The following CAMTA1 variants were observed in gnomAD, a reference collection of about 807,000 sequenced individuals.
CAMTA1 encodes calmodulin-binding transcription activator 1.
CAMTA1 carries 27 observed loss-of-function variants against 170.9 expected under a neutral mutation model. The ratio of observed to expected loss-of-function variants is 0.16; its 90% CI spans 0.12 to 0.22. CAMTA1 has a LOEUF of 0.22. CAMTA1 is among the 10% of genes least tolerant of loss of function. The pLI is 1.00. For missense variants in CAMTA1, 1,619 were observed against 2,217.2 expected, an observed-to-expected ratio of 0.73 and a Z score of 5.42; for synonymous variants, 833 against 891.5, an observed-to-expected ratio of 0.93 and a Z score of 1.17.
chr1:6,867,675 C>T (rs1331377103), intron 3 of CAMTA1, among the ~76,000 whole-genome samples: 1 of 152,212 alleles, frequency 6.6e-6, no homozygotes, highest in African/African-American at 2.4e-5. Context: ...GTAATCCCCA[C>T]TAACTGTAGT....
At chr1:6,859,624 CA>C (rs1663872338) in intron 3 of CAMTA1, among the ~76,000 whole-genome samples, 1 of 151,974 alleles carries the variant, frequency 6.6e-6, no homozygotes, top group Non-Finnish European at 1.5e-5. Context: ...CCTGGCTTTA[CA>C]CAAAATAAAC....
At chr1:6,981,414 G>A (rs959723400) in intron 3 of CAMTA1, among the ~76,000 whole-genome samples, 2 of 151,942 alleles carry the variant, frequency 1.3e-5, no homozygotes, top group African/African-American at 4.8e-5. Context: ...GTACAATTTT[G>A]CACTCTAATT....
intron 3 of CAMTA1, among the ~76,000 whole-genome samples, chr1:6,939,828 C>T (rs1686121331): frequency 6.6e-6 from 1 of 152,268 alleles, no homozygotes; most frequent in Non-Finnish European, 1.5e-5. Context: ...CATCTGTCTC[C>T]CTGCTTCAAT....
chr1:7,083,921 C>T (rs1640367554), intron 3 of CAMTA1, among the ~76,000 whole-genome samples: 1 of 150,964 alleles, frequency 6.6e-6, no homozygotes. Flanking sequence ...CATTTTGTGG[C>T]TCTAGCAGAT....
At chr1:7,546,474 G>A (rs928795424) in intron 6 of CAMTA1, among the ~76,000 whole-genome samples, 2 of 152,196 alleles carry the variant, frequency 1.3e-5, no homozygotes, top group South Asian at 4.1e-4. Context: ...ACACATGCAT[G>A]TATCTTTATA....
chr1:7,506,884 CA>C (rs2094123197), intron 6 of CAMTA1, among the ~76,000 whole-genome samples: 1 of 151,998 alleles, frequency 6.6e-6, no homozygotes, highest in African/African-American at 2.4e-5. Flanking sequence ...TACTAACACT[CA>C]AAATTCACAC....
At chr1:7,175,233 C>T (rs376483250) in intron 4 of CAMTA1, among the ~76,000 whole-genome samples, 2 of 150,622 alleles carry the variant, frequency 1.3e-5, no homozygotes, top group East Asian at 2.0e-4. Context: ...TAGACAGGGT[C>T]GTTGACATCT....
intron 22 of CAMTA1, among the ~76,000 whole-genome samples, chr1:7,758,627 T>A (rs1269903674): frequency 6.6e-6 from 1 of 152,148 alleles, no homozygotes; most frequent in Non-Finnish European, 1.5e-5. Context: ...TCGTGGAAAT[T>A]ATGTTAAGAT....
intron 3 of CAMTA1, among the ~76,000 whole-genome samples, chr1:6,840,280 A>C (rs538175410): frequency 2.4e-4 from 36 of 152,330 alleles, no homozygotes; most frequent in Non-Finnish European, 4.0e-4. Flanking sequence ...GAGCAACATA[A>C]TATGAAGCTT....
rs139233277 is a variant in CAMTA1, at chr1:7,214,900, A to G, written c.303-34591A>G. 6.1e-3 allele frequency among the ~76,000 whole-genome samples: 920 copies of G among 150,956 alleles called. 16 individuals carry two copies. The highest frequency in any genetic ancestry group is 0.021 in the African/African-American group (874 of 41,166). On this transcript the variant is annotated intron_variant, in intron 4 of 22. Transcript: ENST00000303635. ...CCTGTGGATGTCTGATCACTCTAAC[A>G]CCAATTGTTGAAAAGGCTATCTTTC... is the stretch of plus-strand genomic sequence containing the variant.
chr1:7,223,398 G>A (rs1183200214), intron 4 of CAMTA1, among the ~76,000 whole-genome samples: 1 of 152,108 alleles, frequency 6.6e-6, no homozygotes, highest in African/African-American at 2.4e-5. Flanking sequence ...GTATGTGTGT[G>A]TGAGTGTGTG....
intron 3 of CAMTA1, among the ~76,000 whole-genome samples, chr1:6,836,053 GCCTGTCTA>G (rs1557663260): frequency 1.3e-5 from 2 of 152,050 alleles, no homozygotes; most frequent in Non-Finnish European, 1.5e-5. Flanking sequence ...CTGCCTACCT[GCCTGTCTA>G]CCTGTCTACC....
chr1:7,503,105 G>C (rs1303191517), intron 6 of CAMTA1, among the ~76,000 whole-genome samples: 1 of 152,186 alleles, frequency 6.6e-6, no homozygotes, highest in African/African-American at 2.4e-5. Context: ...TCTGTGGAAT[G>C]GGGGAGCCTG....
chr1:7,736,138 C>T lies in CAMTA1; in HGVS notation c.3067-206C>T, dbSNP rs1438325041. Among the ~76,000 whole-genome samples the T allele has an allele frequency of 6.6e-6, 1 of 152,098 alleles. No homozygotes were observed. Among genetic ancestry groups the T allele is most frequent in the Admixed American group, 6.6e-5 (1 of 15,262 alleles). ...GTTGCCCAGGCTGGTCTCAAACTCC[C>T]GAGCAATCCTCCCACCTCGGCCTCC... On this transcript the variant is annotated intron_variant, in intron 12 of 22. Coordinates refer to ENST00000303635, the MANE Select transcript of CAMTA1 (RefSeq NM_015215.4). This position sits in a 1 kb window ranked among gnomAD's most constrained non-coding sequence, Gnocchi z 4.5.
At chr1:7,654,609 T>C (rs1453672957) in intron 7 of CAMTA1, among the ~76,000 whole-genome samples, 2 of 140,896 alleles carry the variant, frequency 1.4e-5, no homozygotes, top group South Asian at 2.3e-4. Flanking sequence ...CACACACTCC[T>C]ATACACACAA....
intron 16 of CAMTA1, among the ~76,000 whole-genome samples, chr1:7,741,552 ACT>A: frequency 6.7e-6 from 1 of 149,694 alleles, no homozygotes; most frequent in South Asian, 2.1e-4. Context: ...ACAGAGCGAG[ACT>A]CTCTCTCAAA....
rs1012113172 is a variant in CAMTA1, at chr1:7,300,841, T to C, written c.438+51215T>C. 2.0e-5 allele frequency among the ~76,000 whole-genome samples: 3 copies of C among 152,232 alleles called. No individual in the cohort carries two copies. The highest frequency in any genetic ancestry group is 7.2e-5 in the African/African-American group (3 of 41,468). ...GCAACTTTATTTCCATAGTCTGTGT[T>C]GCACTCAAAGTAAATATTAATTCCA... On this transcript the variant is annotated intron_variant, in intron 5 of 22. Coordinates refer to ENST00000303635, the MANE Select transcript of CAMTA1 (RefSeq NM_015215.4). The surrounding 1 kb of genome is among the most constrained non-coding windows in gnomAD (Gnocchi z 4.1).
intron 11 of CAMTA1, among the ~76,000 whole-genome samples, chr1:7,698,075 C>CCG (rs1491505709): frequency 3.9e-4 from 3 of 7,692 alleles, no homozygotes; most frequent in Admixed American, 9.8e-4. Context: ...CGCACTGTGA[C>CCG]CCCCCCCCCC....
intron 3 of CAMTA1, among the ~76,000 whole-genome samples, chr1:7,055,804 C>A (rs562273433): frequency 6.6e-6 from 1 of 152,226 alleles, no homozygotes; most frequent in Non-Finnish European, 1.5e-5. Context: ...ACACTGGGGG[C>A]CCAGGCCACG....
Sources: allele counts gnomAD v4.1 joint callset (sites outside exome capture counted in the v4.1 genomes callset), GRCh38; gene constraint gnomAD v4.1.1; non-coding constraint Gnocchi (gnomAD v3.1); transcripts MANE v1.5; gene names NCBI Gene and HGNC (gene_info 2026-07-23, HGNC 2026-07-21).